The following DLGAP1 variants were observed in gnomAD, a reference collection of about 807,000 sequenced individuals.
DLGAP1 encodes the protein disks large-associated protein 1.
Under a neutral mutation model 90.8 loss-of-function variants are expected in DLGAP1, and 11 were observed. The observed-to-expected ratio is 0.12, with a 90% CI of 0.08 to 0.20. The LOEUF (loss-of-function observed/expected upper bound fraction) is 0.20, where lower values mean the gene tolerates loss of function less well. Ranked by LOEUF, DLGAP1 falls within the 10% of genes least tolerant of loss-of-function variation. DLGAP1 has a pLI of 1.00. For synonymous variants in DLGAP1, 558 were observed against 540.7 expected (o/e 1.03, Z -0.44); for missense variants, 1,050 against 1,333.8 (o/e 0.79, Z 3.31).
At chr18:3,998,887 G>A (rs945356786) in intron 3 of DLGAP1, among the ~76,000 whole-genome samples, 1 of 152,140 alleles carries the variant, frequency 6.6e-6, no homozygotes, top group Non-Finnish European at 1.5e-5. Context: ...GCAAATTATT[G>A]TGTTTTACGG....
rs572850894 is a variant in DLGAP1 at position 4,076,551 on chromosome 18, C to T, written c.-158-71350G>A. On this transcript the variant is annotated intron_variant, in intron 2 of 12. Transcript: ENST00000315677. ...AGGGTCTAGTGCTTTGATTTAAATA[C>T]TTTAATCTCATCATTATATAAACTG... 2.0e-5 allele frequency among the ~76,000 whole-genome samples: 3 copies of T among 152,272 alleles called. No homozygotes were observed. In the East Asian group the frequency reaches 5.8e-4, roughly 29 times the overall value.
intron 2 of DLGAP1, among the ~76,000 whole-genome samples, chr18:4,041,230 T>G (rs2074969379): frequency 6.6e-6 from 1 of 152,232 alleles, no homozygotes; most frequent in Non-Finnish European, 1.5e-5. Context: ...ATATGTTCTA[T>G]TTCCTTGTAG....
intron 1 of DLGAP1, among the ~76,000 whole-genome samples, chr18:4,225,624 A>G (rs1415487098): frequency 6.6e-6 from 1 of 151,570 alleles, no homozygotes; most frequent in Non-Finnish European, 1.5e-5. Context: ...ATTAAAAGAA[A>G]TCAAGCAGAA....
At chr18:4,174,479 C>T (rs1340684489) in intron 1 of DLGAP1, among the ~76,000 whole-genome samples, 8 of 151,852 alleles carry the variant, frequency 5.3e-5, no homozygotes, top group Non-Finnish European at 8.8e-5. Context: ...GGATTACAGG[C>T]GCCCACCACC....
chr18:4,451,032 C>G (rs280985), intron 1 of DLGAP1, among the ~76,000 whole-genome samples: 4 of 151,926 alleles, frequency 2.6e-5, no homozygotes, highest in Admixed American at 6.6e-5. Flanking sequence ...ATGTTACTTG[C>G]TGCCCAGTAA....
chr18:3,862,165 G>A (rs957926568), intron 4 of DLGAP1, among the ~76,000 whole-genome samples: 2 of 152,190 alleles, frequency 1.3e-5, no homozygotes, highest in Non-Finnish European at 2.9e-5. Flanking sequence ...AAAGGCATAA[G>A]CAATGTGGGG....
intron 9 of DLGAP1, among the ~76,000 whole-genome samples, chr18:3,551,151 TTA>T: frequency 1.6e-4 from 1 of 6,332 alleles, no homozygotes. Flanking sequence ...CTGACTAATA[TTA>T]TATACATATA....
At chr18:3,866,932 C>A (rs999412400) in intron 4 of DLGAP1, among the ~76,000 whole-genome samples, 1 of 152,204 alleles carries the variant, frequency 6.6e-6, no homozygotes, top group Non-Finnish European at 1.5e-5. Flanking sequence ...ATCACTGTAA[C>A]CTCTGCTTCG....
intron 1 of DLGAP1, among the ~76,000 whole-genome samples, chr18:4,156,113 G>A (rs1357741132): frequency 6.6e-6 from 1 of 152,178 alleles, no homozygotes; most frequent in Non-Finnish European, 1.5e-5. Flanking sequence ...GAGTGACCTC[G>A]ACGTCGCTGG....
At chr18:4,081,680 A>G (rs1170147420) in intron 2 of DLGAP1, among the ~76,000 whole-genome samples, 1 of 152,206 alleles carries the variant, frequency 6.6e-6, no homozygotes, top group African/African-American at 2.4e-5. Context: ...GGAGGAAGAA[A>G]GACTGAAGTC....
intron 7 of DLGAP1, among the ~76,000 whole-genome samples, chr18:3,636,810 C>A (rs192939897): frequency 8.0e-5 from 12 of 149,738 alleles, no homozygotes; most frequent in Non-Finnish European, 1.2e-4. Context: ...CTGCAACATC[C>A]GCCTCCCAGG....
intron 7 of DLGAP1, among the ~76,000 whole-genome samples, chr18:3,724,598 A>G (rs2062091656): frequency 6.6e-6 from 1 of 151,778 alleles, no homozygotes; most frequent in African/African-American, 2.4e-5. Flanking sequence ...ACAAAAAATT[A>G]TCCGGGTGTG....
rs891588811 is a variant in DLGAP1, at chr18:4,318,988, G to A, written c.-267+136018C>T. Among the ~76,000 whole-genome samples the A allele has an allele frequency of 4.6e-5, 7 of 152,192 alleles. No individual in the cohort carries two copies. In the East Asian group the frequency reaches 1.4e-3, roughly 29 times the overall value. On this transcript the variant is annotated intron_variant, in intron 1 of 12. Transcript: ENST00000315677. ...TATACCTAAATGTTGCTATGAGAAT[G>A]GATTCTAAAATGTTTTCATAACACA... is the stretch of plus-strand genomic sequence containing the variant.
intron 1 of DLGAP1, among the ~76,000 whole-genome samples, chr18:4,153,609 T>A (rs1024975093): frequency 6.6e-6 from 1 of 152,206 alleles, no homozygotes; most frequent in East Asian, 1.9e-4. Flanking sequence ...ACAAGTACAC[T>A]ATAATTATTT....
At chr18:4,047,644 T>A (rs1054434188) in intron 2 of DLGAP1, among the ~76,000 whole-genome samples, 1 of 152,196 alleles carries the variant, frequency 6.6e-6, no homozygotes, top group African/African-American at 2.4e-5. Flanking sequence ...TTGTATCAGA[T>A]GTCTCAAGAC....
At chr18:4,119,003 T>A (rs1036727907) in intron 2 of DLGAP1, among the ~76,000 whole-genome samples, 1 of 152,210 alleles carries the variant, frequency 6.6e-6, no homozygotes, top group African/African-American at 2.4e-5. Flanking sequence ...TAACGACTCC[T>A]ACCTTTGGGT....
At chr18:3,654,377 A>T (rs2059412650) in intron 7 of DLGAP1, among the ~76,000 whole-genome samples, 1 of 152,180 alleles carries the variant, frequency 6.6e-6, no homozygotes, top group African/African-American at 2.4e-5. Flanking sequence ...ACACCCACTA[A>T]TAACCTCTAG....
At chr18:3,683,015 C>A (rs2060575944) in intron 7 of DLGAP1, among the ~76,000 whole-genome samples, 1 of 152,136 alleles carries the variant, frequency 6.6e-6, no homozygotes, top group South Asian at 2.1e-4. Flanking sequence ...TGCCCTCACG[C>A]CTGGCTAACT....
At chr18:3,920,109 G>A (rs1035700270) in intron 3 of DLGAP1, among the ~76,000 whole-genome samples, 5 of 152,064 alleles carry the variant, frequency 3.3e-5, no homozygotes, top group African/African-American at 1.2e-4. Context: ...TTGGGAGGCC[G>A]AGGCGGGCAG....
Sources: gnomAD v4.1 joint callset for allele counts (sites outside exome capture counted in the v4.1 genomes callset) on GRCh38, gnomAD v4.1.1 for gene constraint, MANE v1.5 for transcripts, NCBI Gene and HGNC (gene_info 2026-07-23, HGNC 2026-07-21) for gene names.